The following USP48 variants were observed in gnomAD, a reference collection of about 807,000 sequenced individuals.
USP48 encodes the protein ubiquitin carboxyl-terminal hydrolase 48.
In USP48, 43 loss-of-function variants were observed where a neutral mutation model predicts 150.7. That is an observed-to-expected ratio of 0.29 (90% confidence interval 0.22 to 0.37). The LOEUF is 0.37. Among genes scored for constraint, USP48 ranks in the 10% least tolerant of loss-of-function variants. USP48 has a pLI of 1.00. For synonymous variants in USP48, 396 were observed against 425.9 expected (o/e 0.93, Z 0.86); for missense variants, 813 against 1,249.6 (o/e 0.65, Z 5.27).
At chr1:21,771,937 A>G (rs1300736280) in intron 1 of USP48, among the ~76,000 whole-genome samples, 1 of 152,082 alleles carries the variant, frequency 6.6e-6, no homozygotes. Flanking sequence ...AAAAGGACTG[A>G]AAAATAAACC....
intron 13 of USP48, 33 bp from the exon 14 acceptor site, chr1:21,721,199 G>A: frequency 1.2e-6 from 2 of 1,610,362 alleles, no homozygotes; most frequent in Non-Finnish European, 1.7e-6. Flanking sequence ...AATCATATAA[G>A]TAATATTTCC....
intron 23 of USP48, 50 bp from the exon 24 acceptor site, chr1:21,690,149 C>A (rs561908130): frequency 1.4e-6 from 2 of 1,479,712 alleles, no homozygotes; most frequent in South Asian, 1.4e-5. Context: ...AATACTAAGA[C>A]TTATACCCTA....
chr1:21,712,466 C>T (rs1266769190), intron 15 of USP48, among the ~76,000 whole-genome samples: 3 of 152,084 alleles, frequency 2.0e-5, no homozygotes, highest in Non-Finnish European at 2.9e-5. Flanking sequence ...CCTCCTCTTA[C>T]CAACATCATC....
chr1:21,745,711 T>C (rs1256351756), intron 8 of USP48, among the ~76,000 whole-genome samples: 4 of 152,182 alleles, frequency 2.6e-5, no homozygotes, highest in African/African-American at 9.7e-5. Flanking sequence ...ACTTAGTAAG[T>C]AGTAATAGTA....
chr1:21,696,755 A>G (rs2097633563), intron 22 of USP48, among the ~76,000 whole-genome samples: 1 of 152,150 alleles, frequency 6.6e-6, no homozygotes, highest in African/African-American at 2.4e-5. Flanking sequence ...ATGCGGTACC[A>G]GTCAAGAAAA....
At chr1:21,754,053 C>T (rs940869489) in intron 3 of USP48, among the ~76,000 whole-genome samples, 17 of 150,900 alleles carry the variant, frequency 1.1e-4, no homozygotes, top group African/African-American at 3.4e-4. Context: ...CCCAGCTACT[C>T]GGGAGGCTGA....
chr1:21,728,022 C>A (rs1452125577), intron 11 of USP48: 1 of 985,360 alleles, frequency 1.0e-6, no homozygotes, highest in East Asian at 1.1e-4. Flanking sequence ...ATCAGGTAAA[C>A]CTGAATAAAC....
intron 1 of USP48, among the ~76,000 whole-genome samples, chr1:21,766,918 A>G (rs2097863526): frequency 6.6e-6 from 1 of 152,106 alleles, no homozygotes; most frequent in Non-Finnish European, 1.5e-5. Context: ...TACAAAAATT[A>G]GCCGGCGTGG....
intron 22 of USP48, among the ~76,000 whole-genome samples, chr1:21,697,272 T>G (rs903370019): frequency 6.6e-5 from 10 of 151,746 alleles, no homozygotes; most frequent in Non-Finnish European, 1.3e-4. Context: ...ACTGAGTGAT[T>G]CTAAGATTCA....
chr1:21,751,486 C>T lies in USP48; in HGVS notation c.774+21G>A, dbSNP rs372844334. On this transcript the variant is annotated intron_variant, in intron 6 of 26. Coordinates refer to ENST00000308271, the MANE Select transcript of USP48 (RefSeq NM_032236.8). ...TAACTGTTAATGGGCAGGAACAATA[C>T]ATACACCAAAATTTGAATACCTTCA... is the stretch of plus-strand genomic sequence containing the variant. 5.1e-6 allele frequency: 8 copies of T among 1,579,026 alleles called. No individual in the cohort carries two copies. The African/African-American group carries it at 8.1e-5, about 16-fold the overall frequency.
rs141824117 is a variant in USP48 at position 21,728,705 on chromosome 1, G to A, written c.1315C>T (p.Leu439=). ...AATTTGGAATTATCCCGATCTACCA[G>A]CTCTTGAAGAAAGGCTATTCAAAAC... The part of the protein sequence containing the change: ...TVQVPAFLQE[L]VDRDNSKFEE... The change falls in exon 11 of 27, where the codon CTG becomes TTG. Residue 439 remains leucine (L), a synonymous_variant. Coordinates refer to ENST00000308271, the MANE Select transcript of USP48 (RefSeq NM_032236.8). 2.3e-5 allele frequency: 37 copies of A among 1,613,658 alleles called. No individual in the cohort carries two copies. The African/African-American group carries it at 4.3e-4, about 19-fold the overall frequency.
Position 21,783,119 on chromosome 1 carries a change from C to A in USP48, c.-162G>T. 1 of 1,096,404 alleles carries A rather than the reference C, an allele frequency of 9.1e-7. No homozygotes were observed. Among genetic ancestry groups the A allele is most frequent in the Non-Finnish European group, 1.2e-6 (1 of 837,200 alleles). The allele number at this position is 1,096,404 out of a possible 1,614,324, so 67.9% of individuals were successfully genotyped here. On this transcript the variant is annotated 5_prime_UTR_variant, in exon 1 of 27. Coordinates refer to ENST00000308271, the MANE Select transcript of USP48 (RefSeq NM_032236.8). ...CCTGTGCGCGCCACTGCCGCCGCGC[C>A]CGCCCGCGCCCGACCCGCACGACCG... is the stretch of plus-strand genomic sequence containing the variant.
Position 21,704,361 on chromosome 1 carries a change from T to C in USP48, c.2416A>G (p.Met806Val). Reference protein sequence around the residue: ...IALIWPSEWQMIQKLFVVDHV... With the variant: ...IALIWPSEWQVIQKLFVVDHV... ...TCCACAACAAAGAGCTTTTGTATCA[T>C]TTGCCACTCACTGGGCCATATGAGA... Residue 806 changes from methionine (M) to valine (V), a missense_variant, in exon 20 of 27, where the codon ATG becomes GTG. Physicochemically the swap from Met to Val is conservative, Grantham distance 21 (BLOSUM62 1). Coordinates refer to ENST00000308271, the MANE Select transcript of USP48 (RefSeq NM_032236.8). The C allele has an allele frequency of 6.2e-7, 1 of 1,613,722 alleles. No individual in the cohort carries two copies. Among genetic ancestry groups the C allele is most frequent in the Non-Finnish European group, 8.5e-7 (1 of 1,179,852 alleles).
intron 14 of USP48, 52 bp downstream of exon 14, chr1:21,720,984 T>C (rs1412058034): frequency 6.3e-7 from 1 of 1,595,970 alleles, no homozygotes. Flanking sequence ...GGCCCACTTA[T>C]ATTTTCATGG....
Position 21,748,158 on chromosome 1 carries a change from T to A in USP48, c.888A>T (p.Leu296=), listed in dbSNP as rs2097800072. Residue 296 remains leucine (L), a synonymous_variant, in exon 7 of 27, where the codon CTA becomes CTT. Transcript: ENST00000308271. Reference sequence around the variant, plus strand: ...TTTACCTGTCAAAGACAAAACGCATTAGCTGCAAGTTCAGAGTGCAAGGAA... The same window carrying A: ...TTTACCTGTCAAAGACAAAACGCATAAGCTGCAAGTTCAGAGTGCAAGGAA... ...LSLPCTLNLQ[L]MRFVFDRQTG... is the part of the protein sequence containing the mutation. The A allele has an allele frequency of 6.8e-6, 11 of 1,613,476 alleles. No individual in the cohort carries two copies. Among genetic ancestry groups the A allele is most frequent in the Non-Finnish European group, 9.3e-6 (11 of 1,179,810 alleles).
chr1:21,782,737 G>A, intron 1 of USP48, 87 bp downstream of exon 1: 9 of 1,431,232 alleles, frequency 6.3e-6, no homozygotes, highest in South Asian at 1.4e-5. Flanking sequence ...TGCACGCAAA[G>A]GGCTGCCGTC....
At chr1:21,756,114 G>A (rs2097833362) in intron 3 of USP48, among the ~76,000 whole-genome samples, 4 of 150,926 alleles carry the variant, frequency 2.7e-5, no homozygotes, top group Admixed American at 1.3e-4. Flanking sequence ...GTGGTGAACC[G>A]AGATTGTGCC....
At chr1:21,701,623 A>G (rs2097657229) in intron 21 of USP48, 21 bp from the exon 22 acceptor site, 2 of 1,609,820 alleles carry the variant, frequency 1.2e-6, no homozygotes, top group Non-Finnish European at 8.5e-7. Context: ...CAGGACAACA[A>G]AGAGAAGTAG....
chr1:21,768,777 T>C (rs1270056368), intron 1 of USP48, among the ~76,000 whole-genome samples: 1 of 151,000 alleles, frequency 6.6e-6, no homozygotes, highest in Non-Finnish European at 1.5e-5. Context: ...CTCCTGCTAG[T>C]AGTAATAAAA....
Sources: gnomAD v4.1 joint callset for allele counts (sites outside exome capture counted in the v4.1 genomes callset) on GRCh38, gnomAD v4.1.1 for gene constraint, MANE v1.5 for transcripts, NCBI Gene and HGNC (gene_info 2026-07-23, HGNC 2026-07-21) for gene names.